Variants in PRMT8 observed in about 807,000 individuals in gnomAD.
The protein encoded by PRMT8 is protein arginine N-methyltransferase 8.
A neutral mutation model predicts 47.1 loss-of-function variants in PRMT8; 7 were observed. The ratio of observed to expected loss-of-function variants is 0.15; its 90% CI spans 0.08 to 0.28. PRMT8 has a LOEUF of 0.28. Ranked by LOEUF, PRMT8 falls within the 10% of genes least tolerant of loss-of-function variation. PRMT8 has a pLI of 1.00. For missense variants in PRMT8, 237 were observed against 505.4 expected (o/e 0.47, Z 5.09); for synonymous variants, 188 against 186.5 (o/e 1.01, Z -0.07).
At chr12:3,406,542 C>T (rs1211970671) in intron 1 of PRMT8, among the ~76,000 whole-genome samples, 1 of 152,074 alleles carries the variant, frequency 6.6e-6, no homozygotes, top group Non-Finnish European at 1.5e-5. Flanking sequence ...TGTCAGATAC[C>T]CTAAATCATC....
Position 3,569,429 on chromosome 12 carries a change from G to T in PRMT8, c.625-48G>T, listed in dbSNP as rs750701261. 6.8e-7 allele frequency: 1 copy of T among 1,480,324 alleles called. No homozygotes were observed. Among genetic ancestry groups the T allele is most frequent in the Non-Finnish European group, 9.5e-7 (1 of 1,058,132 alleles). The allele number at this position is 1,480,324 out of a possible 1,614,324, so 91.7% of individuals were successfully genotyped here. On this transcript the variant is annotated intron_variant, in intron 5 of 9. Transcript: ENST00000382622. The surrounding 1 kb of genome is among the most constrained non-coding windows in gnomAD (Gnocchi z 8.2). The stretch of plus-strand genomic sequence containing the variant: ...GTGCAGTTCAAAATGTGATGTCTTT[G>T]TCAGGTGAATAGATTACGAGACCCA...
At chr12:3,578,267 C>T (rs1381353396) in intron 7 of PRMT8, among the ~76,000 whole-genome samples, 1 of 152,102 alleles carries the variant, frequency 6.6e-6, no homozygotes, top group Non-Finnish European at 1.5e-5. Context: ...CTCTCTCTGT[C>T]ACCCAGGTTG....
intron 1 of PRMT8, among the ~76,000 whole-genome samples, chr12:3,414,290 C>A (rs564026670): frequency 6.6e-6 from 1 of 152,332 alleles, no homozygotes; most frequent in Non-Finnish European, 1.5e-5. Flanking sequence ...AAAAGTCTCA[C>A]CGCACTTCTG....
rs1279485625 is a variant in PRMT8, at chr12:3,436,338, A to C, written c.48+54896A>C. On this transcript the variant is annotated intron_variant, in intron 1 of 9. Transcript: ENST00000452611. The surrounding 1 kb of genome is among the most constrained non-coding windows in gnomAD (Gnocchi z 4.2). ...TAATACAGTTACCACAGACACAGTG[A>C]GTGACTTTCAAGTTCATGCCTTTGA... is the stretch of plus-strand genomic sequence containing the variant. Among the ~76,000 whole-genome samples the C allele has an allele frequency of 6.6e-6, 1 of 152,194 alleles. No individual in the cohort carries two copies. Among genetic ancestry groups the C allele is most frequent in the East Asian group, 1.9e-4 (1 of 5,190 alleles).
chr12:3,425,396 T>A (rs569537676), intron 1 of PRMT8, among the ~76,000 whole-genome samples: 1 of 152,326 alleles, frequency 6.6e-6, no homozygotes, highest in South Asian at 2.1e-4. Context: ...TTTAGAGAGG[T>A]AGGCCACTGG....
intron 1 of PRMT8, among the ~76,000 whole-genome samples, chr12:3,445,077 G>A (rs1377676328): frequency 6.6e-6 from 1 of 152,244 alleles, no homozygotes; most frequent in Non-Finnish European, 1.5e-5. Context: ...TGGAGCTGTG[G>A]CTTGGAGACA....
chr12:3,474,872 C>A (rs1341635306), intron 1 of PRMT8, among the ~76,000 whole-genome samples: 2 of 152,180 alleles, frequency 1.3e-5, no homozygotes, highest in African/African-American at 4.8e-5. Flanking sequence ...ACATATTAGG[C>A]TGTCAGTGAA....
chr12:3,560,188 A>G (rs1370991619), intron 4 of PRMT8, among the ~76,000 whole-genome samples: 1 of 152,180 alleles, frequency 6.6e-6, no homozygotes, highest in Non-Finnish European at 1.5e-5. Flanking sequence ...TCAGAGGAGG[A>G]CAGCTTGGCT....
chr12:3,504,621 C>T (rs1865586595), intron 1 of PRMT8, among the ~76,000 whole-genome samples: 1 of 59,888 alleles, frequency 1.7e-5, no homozygotes, highest in Non-Finnish European at 4.0e-5. Context: ...CAGACAGGGA[C>T]ACTTAAGTCT....
At chr12:3,567,080 C>T (rs187657806) in intron 4 of PRMT8, among the ~76,000 whole-genome samples, 4 of 152,332 alleles carry the variant, frequency 2.6e-5, no homozygotes, top group Non-Finnish European at 4.4e-5. Context: ...GAAGAAGCCA[C>T]TGGGGACAGG....
At position 3,453,596 on chromosome 12, in the gene PRMT8, G is replaced by C. The variant is rs144654653; in HGVS notation, c.48+72154G>C. 6.6e-6 allele frequency among the ~76,000 whole-genome samples: 1 copy of C among 152,310 alleles called. No individual in the cohort carries two copies. Among genetic ancestry groups the C allele is most frequent in the East Asian group, 1.9e-4 (1 of 5,170 alleles). ...GACCTTGAAGTAGGGCTGAGAATGAGGTGTCTGGGTCAGGAACTGGTGAGC... is the reference window on the plus strand; with the variant it reads ...GACCTTGAAGTAGGGCTGAGAATGACGTGTCTGGGTCAGGAACTGGTGAGC... On this transcript the variant is annotated intron_variant, in intron 1 of 9. Coordinates refer to the PRMT8 transcript ENST00000452611. This position sits in a 1 kb window ranked among gnomAD's most constrained non-coding sequence, Gnocchi z 4.9.
intron 1 of PRMT8, among the ~76,000 whole-genome samples, chr12:3,466,819 A>G (rs933405487): frequency 3.9e-5 from 6 of 152,320 alleles, no homozygotes; most frequent in East Asian, 1.9e-4. Flanking sequence ...TCTCTTTTCT[A>G]CAAAACAAAC....
At chr12:3,568,111 A>G (rs1281739008) in intron 4 of PRMT8, among the ~76,000 whole-genome samples, 3 of 152,134 alleles carry the variant, frequency 2.0e-5, no homozygotes, top group African/African-American at 7.2e-5. Flanking sequence ...TGGTATATGT[A>G]TTATATACTA....
chr12:3,511,609 T>C (rs1865714984), intron 1 of PRMT8, among the ~76,000 whole-genome samples: 1 of 152,190 alleles, frequency 6.6e-6, no homozygotes, highest in Non-Finnish European at 1.5e-5. Context: ...AGCTCTTTCT[T>C]TTCCAACAGG....
Position 3,570,647 on chromosome 12 carries a change from G to A in PRMT8, c.712+1083G>A, listed in dbSNP as rs568822430. Among the ~76,000 whole-genome samples the A allele has an allele frequency of 1.3e-5, 2 of 152,298 alleles. No homozygotes were observed. Among genetic ancestry groups the A allele is most frequent in the Admixed American group, 6.5e-5 (1 of 15,304 alleles). ...GGATTTAAACAATTGCCATCTAATCGTCGTTAGTGGCACTGATGAAAACTC... is the reference window on the plus strand; with the variant it reads ...GGATTTAAACAATTGCCATCTAATCATCGTTAGTGGCACTGATGAAAACTC... On this transcript the variant is annotated intron_variant, in intron 6 of 9. Transcript: ENST00000382622. This position sits in a 1 kb window ranked among gnomAD's most constrained non-coding sequence, Gnocchi z 5.5.
intron 1 of PRMT8, among the ~76,000 whole-genome samples, chr12:3,395,794 C>T (rs1864242957): frequency 6.6e-6 from 1 of 151,358 alleles, no homozygotes; most frequent in South Asian, 2.1e-4. Flanking sequence ...GTTGATCTGT[C>T]TAATGTTGAC....
rs1864947869 is a variant in PRMT8 at position 3,453,974 on chromosome 12, G to A, written c.48+72532G>A. Among the ~76,000 whole-genome samples, 1 of 152,158 alleles carries A rather than the reference G, an allele frequency of 6.6e-6. No individual in the cohort carries two copies. Among genetic ancestry groups the A allele is most frequent in the African/African-American group, 2.4e-5 (1 of 41,422 alleles). ...GCTTTTTCAGGTTTCGAGAAGCAGCGACGTGCTCGGGTCACCTCAGGGCGG... is the reference window on the plus strand; with the variant it reads ...GCTTTTTCAGGTTTCGAGAAGCAGCAACGTGCTCGGGTCACCTCAGGGCGG... On this transcript the variant is annotated intron_variant, in intron 1 of 9. Coordinates refer to the PRMT8 transcript ENST00000452611. This position sits in a 1 kb window ranked among gnomAD's most constrained non-coding sequence, Gnocchi z 4.9.
upstream of PRMT8, among the ~76,000 whole-genome samples, chr12:3,488,738 A>T (rs1865345027): frequency 6.6e-6 from 1 of 152,140 alleles, no homozygotes; most frequent in African/African-American, 2.4e-5. Context: ...TGCAAAAGAG[A>T]TAGAGAAAGA....
intron 1 of PRMT8, among the ~76,000 whole-genome samples, chr12:3,407,919 C>G (rs1049088590): frequency 1.3e-5 from 2 of 151,804 alleles, no homozygotes; most frequent in Non-Finnish European, 2.9e-5. Context: ...CTCCATTGTA[C>G]TTTTCATTTC....
Sources: allele counts gnomAD v4.1 joint callset (sites outside exome capture counted in the v4.1 genomes callset), GRCh38; gene constraint gnomAD v4.1.1; non-coding constraint Gnocchi (gnomAD v3.1); transcripts MANE v1.5; gene names NCBI Gene and HGNC (gene_info 2026-07-23, HGNC 2026-07-21).